The following MALT1 variants were observed in gnomAD, a reference collection of about 807,000 sequenced individuals.
The protein encoded by MALT1 is MALT1 paracaspase.
Under a neutral mutation model 85.5 loss-of-function variants are expected in MALT1, and 36 were observed. The ratio of observed to expected loss-of-function variants is 0.42; its 90% CI spans 0.32 to 0.56. MALT1 has a LOEUF of 0.56. MALT1 is among the 20% of genes least tolerant of loss of function. The pLI is 0.10. For missense variants in MALT1, 716 were observed against 981.6 expected, an observed-to-expected ratio of 0.73 and a Z score of 3.62; for synonymous variants, 359 against 361.3, an observed-to-expected ratio of 0.99 and a Z score of 0.07.
At chr18:58,728,342 A>T (rs1288516068) in intron 10 of MALT1, among the ~76,000 whole-genome samples, 1 of 152,246 alleles carries the variant, frequency 6.6e-6, no homozygotes, top group Non-Finnish European at 1.5e-5. Flanking sequence ...ACGGTGGCTC[A>T]CACCTATAAT....
chr18:58,733,234 A>G (rs1235191189), intron 10 of MALT1, among the ~76,000 whole-genome samples, 163 bp from the exon 11 acceptor site: 2 of 152,194 alleles, frequency 1.3e-5, no homozygotes, highest in Non-Finnish European at 2.9e-5. Context: ...TTTAAATGCA[A>G]AATAACATTG....
At chr18:58,688,233 T>G (rs562129037) in intron 2 of MALT1, among the ~76,000 whole-genome samples, 1 of 151,754 alleles carries the variant, frequency 6.6e-6, no homozygotes. Context: ...TCACCAGGGG[T>G]GGTTTCCAAA....
chr18:58,714,232 ATAATT>A, intron 8 of MALT1, 123 bp downstream of exon 8: 1 of 472,502 alleles, frequency 2.1e-6, no homozygotes, highest in Non-Finnish European at 3.8e-6. Flanking sequence ...TTGAAATAAT[ATAATT>A]TAAGGTTGAA....
intron 2 of MALT1, among the ~76,000 whole-genome samples, chr18:58,687,444 T>C (rs2054421211): frequency 6.6e-6 from 1 of 152,170 alleles, no homozygotes; most frequent in East Asian, 1.9e-4. Context: ...TGTAATGCCG[T>C]AGGAGGGACA....
intron 10 of MALT1, among the ~76,000 whole-genome samples, chr18:58,726,055 C>T (rs1407640426): frequency 6.6e-6 from 1 of 152,144 alleles, no homozygotes; most frequent in African/African-American, 2.4e-5. Context: ...AGCGAGACTC[C>T]ATCTCAAAAT....
At chr18:58,689,542 A>G (rs1002279864) in intron 2 of MALT1, among the ~76,000 whole-genome samples, 2 of 152,214 alleles carry the variant, frequency 1.3e-5, no homozygotes, top group Non-Finnish European at 2.9e-5. Flanking sequence ...TAGGTGCTGA[A>G]TGAACTGGTG....
At chr18:58,734,087 C>A in intron 11 of MALT1, 1 of 1,327,046 alleles carries the variant, frequency 7.5e-7, no homozygotes, top group Non-Finnish European at 9.6e-7. Flanking sequence ...AATCAAAATC[C>A]AATGCCAGAG....
intron 1 of MALT1, chr18:58,672,533 C>T (rs1311812680): frequency 6.6e-6 from 1 of 152,110 alleles, no homozygotes; most frequent in Admixed American, 6.5e-5. Context: ...TTGAGGACCC[C>T]AGAGAGCTCT....
Position 58,748,594 on chromosome 18 carries a change from A to AATC in MALT1, c.*754_*756dup. The AATC allele has an allele frequency of 5.3e-6, 1 of 189,256 alleles. No homozygotes were observed. Among genetic ancestry groups the AATC allele is most frequent in the East Asian group, 8.2e-5 (1 of 12,126 alleles). 11.7% of individuals were successfully genotyped at this position (189,256 alleles called of 1,614,324 possible). ...TTGTTAAAGCTAGATAGAGGTTAAGAATCAAGATATAATGGATAATTTTCA... is the reference window on the plus strand; with the variant it reads ...TTGTTAAAGCTAGATAGAGGTTAAGAATCATCAAGATATAATGGATAATTTTCA... On this transcript the variant is annotated 3_prime_UTR_variant, in exon 17 of 17. Transcript: ENST00000649217.
At chr18:58,680,155 T>C (rs2054299449) in intron 1 of MALT1, among the ~76,000 whole-genome samples, 1 of 152,220 alleles carries the variant, frequency 6.6e-6, no homozygotes, top group Non-Finnish European at 1.5e-5. Context: ...TACGAGTTTC[T>C]TAGATACCTT....
intron 1 of MALT1, among the ~76,000 whole-genome samples, chr18:58,673,327 G>T (rs936900593): frequency 2.0e-5 from 3 of 152,224 alleles, no homozygotes; most frequent in African/African-American, 7.2e-5. Context: ...CATATTAAAT[G>T]CTGTGTTGGG....
intron 9 of MALT1, among the ~76,000 whole-genome samples, chr18:58,720,188 T>C (rs1285100470): frequency 6.6e-6 from 1 of 152,232 alleles, no homozygotes; most frequent in Non-Finnish European, 1.5e-5. Context: ...ACAGTAAATA[T>C]TTTTCTACAG....
chr18:58,672,747 G>A (rs566233110), intron 1 of MALT1: 4 of 152,306 alleles, frequency 2.6e-5, no homozygotes, highest in African/African-American at 9.6e-5. Context: ...TCATTTTGAA[G>A]ATCTCTTTAA....
intron 2 of MALT1, among the ~76,000 whole-genome samples, chr18:58,685,649 C>T (rs1298960220): frequency 6.6e-6 from 1 of 152,152 alleles, no homozygotes; most frequent in East Asian, 1.9e-4. Flanking sequence ...CTCAGAGGAT[C>T]GAGGTTTTTA....
At chr18:58,744,718 CTCTAATT>C (rs1272310879) in intron 15 of MALT1, among the ~76,000 whole-genome samples, 2 of 151,976 alleles carry the variant, frequency 1.3e-5, no homozygotes, top group African/African-American at 2.4e-5. Context: ...GGAAGGATGC[CTCTAATT>C]TCTTATATCC....
chr18:58,687,752 A>G (rs1268130471), intron 2 of MALT1, among the ~76,000 whole-genome samples: 2 of 152,222 alleles, frequency 1.3e-5, no homozygotes, highest in Admixed American at 6.5e-5. Flanking sequence ...AAGGGAAGCT[A>G]TGTGTCCTTT....
intron 7 of MALT1, among the ~76,000 whole-genome samples, chr18:58,713,845 G>A (rs989371311): frequency 4.6e-5 from 7 of 152,162 alleles, no homozygotes; most frequent in Admixed American, 4.6e-4. Flanking sequence ...AAAGAGCCTA[G>A]TTTTTGTCAC....
At chr18:58,724,830 G>A (rs916039129) in intron 10 of MALT1, among the ~76,000 whole-genome samples, 49 of 152,062 alleles carry the variant, frequency 3.2e-4, no homozygotes, top group African/African-American at 1.1e-3. Context: ...GCAACATGGC[G>A]AAACCCCATC....
intron 10 of MALT1, among the ~76,000 whole-genome samples, chr18:58,726,453 T>G (rs2055055960): frequency 6.6e-6 from 1 of 152,076 alleles, no homozygotes; most frequent in Non-Finnish European, 1.5e-5. Flanking sequence ...TTGAGGGCTG[T>G]GGGGGAAGAT....
Sources: allele counts gnomAD v4.1 joint callset (sites outside exome capture counted in the v4.1 genomes callset), GRCh38; gene constraint gnomAD v4.1.1; transcripts MANE v1.5; gene names NCBI Gene and HGNC (gene_info 2026-07-23, HGNC 2026-07-21).